The following KSR1 variants were observed in gnomAD, a reference collection of about 807,000 sequenced individuals.
The protein encoded by KSR1 is kinase suppressor of ras.
In KSR1, 35 loss-of-function variants were observed where a neutral mutation model predicts 92.9. That is an observed-to-expected ratio of 0.38 (90% CI 0.29 to 0.50). The LOEUF is 0.50. Ranked by LOEUF, KSR1 falls within the 20% of genes least tolerant of loss-of-function variation. KSR1 has a pLI of 0.94. For synonymous variants in KSR1, 467 were observed against 472.6 expected (o/e 0.99, Z 0.15); for missense variants, 972 against 1,158.5 (o/e 0.84, Z 2.34).
At chr17:27,602,153 C>T (rs1030930399) in intron 11 of KSR1, among the ~76,000 whole-genome samples, 4 of 152,054 alleles carry the variant, frequency 2.6e-5, no homozygotes, top group Non-Finnish European at 4.4e-5. Flanking sequence ...CTTGAAGTCA[C>T]AGTATTTTGG....
At chr17:27,532,336 T>G (rs2151045662) in intron 1 of KSR1, among the ~76,000 whole-genome samples, 1 of 152,298 alleles carries the variant, frequency 6.6e-6, no homozygotes, top group South Asian at 2.1e-4. Flanking sequence ...TTATGGTAGC[T>G]GGGTCACCTG....
chr17:27,527,220 G>A (rs2070340970), intron 1 of KSR1: 1 of 240,808 alleles, frequency 4.2e-6, no homozygotes, highest in East Asian at 1.2e-4. Flanking sequence ...TCATTGTTTT[G>A]CATTTTCCAC....
At chr17:27,620,942 T>A in intron 19 of KSR1, 4 of 350,570 alleles carry the variant, frequency 1.1e-5, no homozygotes, top group Non-Finnish European at 2.0e-5. Context: ...CCTGAATGAG[T>A]CTGTGTCAAA....
chr17:27,606,692 A>G (rs981407219), intron 14 of KSR1, among the ~76,000 whole-genome samples: 3 of 151,888 alleles, frequency 2.0e-5, no homozygotes, highest in Non-Finnish European at 2.9e-5. Flanking sequence ...CAGACTACCA[A>G]TGTTATCTCC....
At chr17:27,546,128 G>A (rs2071164066) in intron 1 of KSR1, among the ~76,000 whole-genome samples, 1 of 152,174 alleles carries the variant, frequency 6.6e-6, no homozygotes, top group Non-Finnish European at 1.5e-5. Context: ...AGAGCCGCGT[G>A]GAATGGAGGG....
rs191795498 is a variant in KSR1 at position 27,604,655 on chromosome 17, C to T, written c.1566-25C>T. ...GCAGAGCGGTGTTCCTCAAGGTCTC[C>T]TTGACAAACCTTGTTTACTCTTAGG... On this transcript the variant is annotated intron_variant, in intron 12 of 20. Transcript: ENST00000644974. 6.2e-4 allele frequency: 1,004 copies of T among 1,613,156 alleles called. 5 individuals are homozygous for T. The African/African-American group carries it at 0.011, about 18-fold the overall frequency.
chr17:27,539,139 G>T (rs912885692), intron 1 of KSR1, among the ~76,000 whole-genome samples: 1 of 152,198 alleles, frequency 6.6e-6, no homozygotes, highest in African/African-American at 2.4e-5. Context: ...CCCCTGCTTG[G>T]TAATTCACAC....
chr17:27,517,598 T>TAATA (rs1347367055), intron 1 of KSR1, among the ~76,000 whole-genome samples: 4 of 152,232 alleles, frequency 2.6e-5, no homozygotes, highest in African/African-American at 9.6e-5. Flanking sequence ...ACCTAGCTGA[T>TAATA]AATAATTCTT....
At chr17:27,555,398 C>T (rs1344823563) in intron 2 of KSR1, among the ~76,000 whole-genome samples, 1 of 152,146 alleles carries the variant, frequency 6.6e-6, no homozygotes, top group Non-Finnish European at 1.5e-5. Context: ...GGTTCTAATC[C>T]AATACTACAT....
intron 2 of KSR1, among the ~76,000 whole-genome samples, chr17:27,560,847 G>C (rs1049526948): frequency 6.6e-6 from 1 of 152,144 alleles, no homozygotes; most frequent in Admixed American, 6.5e-5. Context: ...TGGCAACTGG[G>C]AGCCTCCCCA....
chr17:27,611,467 C>T (rs1346487028), intron 17 of KSR1, 27 bp from the exon 18 acceptor site: 1 of 1,613,528 alleles, frequency 6.2e-7, no homozygotes, highest in Non-Finnish European at 8.5e-7. Context: ...GGCCCAGGAG[C>T]TCACAGACAT....
chr17:27,463,089 A>G (rs2019524754), intron 1 of KSR1, among the ~76,000 whole-genome samples: 1 of 152,354 alleles, frequency 6.6e-6, no homozygotes, highest in South Asian at 2.1e-4. Context: ...AATACATTTA[A>G]TATCTGTCCT....
chr17:27,608,313 T>A (rs1052554002), intron 15 of KSR1, among the ~76,000 whole-genome samples: 3 of 152,168 alleles, frequency 2.0e-5, no homozygotes, highest in African/African-American at 7.2e-5. Flanking sequence ...CTTGGGTAGG[T>A]TTAGCCTCTC....
chr17:27,461,090 G>C (rs1355837935), intron 1 of KSR1, among the ~76,000 whole-genome samples: 1 of 151,978 alleles, frequency 6.6e-6, no homozygotes, highest in Non-Finnish European at 1.5e-5. Context: ...TTTTGTTTTT[G>C]TTTTTCTTTT....
chr17:27,462,688 T>C (rs546442292), intron 1 of KSR1, among the ~76,000 whole-genome samples: 1 of 152,224 alleles, frequency 6.6e-6, no homozygotes, highest in Admixed American at 6.5e-5. Context: ...TACTTTTAAT[T>C]AAAATATTTA....
intron 2 of KSR1, among the ~76,000 whole-genome samples, chr17:27,570,494 C>G (rs947880607): frequency 3.3e-5 from 5 of 152,208 alleles, no homozygotes; most frequent in African/African-American, 1.2e-4. Flanking sequence ...ACCTCTATTC[C>G]TCCACACCCA....
chr17:27,526,327 C>T, intron 1 of KSR1: 2 of 1,201,878 alleles, frequency 1.7e-6, no homozygotes, highest in Non-Finnish European at 1.2e-6. Flanking sequence ...GACCGCAAGT[C>T]CATGTTCCAG....
chr17:27,562,101 C>T (rs897969443), intron 2 of KSR1, among the ~76,000 whole-genome samples: 1 of 152,202 alleles, frequency 6.6e-6, no homozygotes, highest in African/African-American at 2.4e-5. Flanking sequence ...CCGCCATGGC[C>T]TCCCAAAGTG....
At chr17:27,548,237 A>G (rs1051469357) in intron 1 of KSR1, among the ~76,000 whole-genome samples, 1 of 151,730 alleles carries the variant, frequency 6.6e-6, no homozygotes, top group Non-Finnish European at 1.5e-5. Flanking sequence ...CTCAAAAAAA[A>G]AAAAAAAAGA....
Sources: allele counts gnomAD v4.1 joint callset (sites outside exome capture counted in the v4.1 genomes callset), GRCh38; gene constraint gnomAD v4.1.1; transcripts MANE v1.5; gene names NCBI Gene and HGNC (gene_info 2026-07-23, HGNC 2026-07-21).